Variants in MFHAS1 observed in about 807,000 individuals in gnomAD.
MFHAS1 encodes the protein malignant fibrous histiocytoma-amplified sequence 1.
A neutral mutation model predicts 70.4 loss-of-function variants in MFHAS1; 50 were observed. The ratio of observed to expected loss-of-function variants is 0.71; its 90% CI spans 0.57 to 0.90. MFHAS1 has a LOEUF of 0.90. Ranked by LOEUF, MFHAS1 falls within the 40% of genes least tolerant of loss-of-function variation. The pLI, the probability that MFHAS1 is intolerant of heterozygous loss-of-function variation, is 0.00. For missense variants in MFHAS1, 1,795 were observed against 1,347.6 expected, an observed-to-expected ratio of 1.33 and a Z score of -5.20; for synonymous variants, 952 against 620.0, an observed-to-expected ratio of 1.54 and a Z score of -7.96.
chr8:8,787,244 C>T (rs189705465), intron 2 of MFHAS1, among the ~76,000 whole-genome samples: 1 of 152,058 alleles, frequency 6.6e-6, no homozygotes, highest in East Asian at 1.9e-4. Context: ...CCACACGCGG[C>T]TAATTTTTTG....
intron 1 of MFHAS1, among the ~76,000 whole-genome samples, chr8:8,820,271 G>T (rs1053159745): frequency 1.1e-4 from 17 of 151,888 alleles, no homozygotes; most frequent in African/African-American, 3.9e-4. Flanking sequence ...CCAGGGTTGG[G>T]ACTGCTGTGC....
rs200720299 is a variant in MFHAS1 at position 8,892,915 on chromosome 8, G to T, written c.144C>A (p.Leu48=). The T allele has an allele frequency of 6.4e-7, 1 of 1,560,682 alleles. No individual in the cohort carries two copies. Among genetic ancestry groups the T allele is most frequent in the East Asian group, 2.4e-5 (1 of 41,878 alleles). ...GACPGAGADA[L]ESPASPQLVL... is the part of the protein sequence containing the mutation. ...CGAGCTGGGGGGAGGCGGGGGACTC[G>T]AGCGCGTCGGCCCCGGCCCCGGGGC... is the stretch of plus-strand genomic sequence containing the variant. Residue 48 remains leucine (L), a synonymous_variant, in exon 1 of 3, where the codon CTC becomes CTA. Transcript: ENST00000276282. The surrounding 1 kb of genome is among the most constrained non-coding windows in gnomAD (Gnocchi z 4.7).
At chr8:8,886,895 G>A (rs1049385547) in intron 1 of MFHAS1, among the ~76,000 whole-genome samples, 1 of 152,190 alleles carries the variant, frequency 6.6e-6, no homozygotes, top group Non-Finnish European at 1.5e-5. Flanking sequence ...CGAGACTGAG[G>A]TGGGTGGATC....
chr8:8,802,520 C>G (rs1322061334), intron 1 of MFHAS1, among the ~76,000 whole-genome samples: 2 of 152,186 alleles, frequency 1.3e-5, no homozygotes, highest in African/African-American at 4.8e-5. Context: ...AACCCCTCAC[C>G]AGATACCAAA....
intron 2 of MFHAS1, among the ~76,000 whole-genome samples, chr8:8,788,963 T>G (rs1341246131): frequency 6.6e-6 from 1 of 152,178 alleles, no homozygotes; most frequent in Non-Finnish European, 1.5e-5. Context: ...GAGTTTGAAC[T>G]TGAGCCTGTG....
intron 1 of MFHAS1, among the ~76,000 whole-genome samples, chr8:8,830,835 G>T (rs559132733): frequency 1.3e-5 from 2 of 152,272 alleles, no homozygotes; most frequent in South Asian, 4.1e-4. Context: ...GACCTCAGGT[G>T]ATCCGCCCAC....
At chr8:8,787,229 C>T (rs778497596) in intron 2 of MFHAS1, among the ~76,000 whole-genome samples, 67 of 152,130 alleles carry the variant, frequency 4.4e-4, no homozygotes, top group Non-Finnish European at 4.1e-4. Flanking sequence ...TACATGTGCC[C>T]GCCACCACAC....
intron 1 of MFHAS1, among the ~76,000 whole-genome samples, chr8:8,832,625 TTC>T (rs1391417232): frequency 3.1e-4 from 30 of 96,908 alleles, no homozygotes; most frequent in Non-Finnish European, 2.0e-4. Context: ...CAGAATTTTT[TTC>T]TTTTTTTTTT....
At chr8:8,874,123 T>C (rs1437215590) in intron 1 of MFHAS1, among the ~76,000 whole-genome samples, 3 of 152,148 alleles carry the variant, frequency 2.0e-5, no homozygotes, top group African/African-American at 4.8e-5. Context: ...CTTTTTCTAA[T>C]TGCATCTCAA....
intron 1 of MFHAS1, among the ~76,000 whole-genome samples, chr8:8,843,314 T>A (rs1347254135): frequency 1.3e-5 from 2 of 149,576 alleles, no homozygotes; most frequent in South Asian, 2.1e-4. Flanking sequence ...CCAGGTGCTG[T>A]GACTCACACC....
At chr8:8,888,257 G>T (rs1231477465) in intron 1 of MFHAS1, among the ~76,000 whole-genome samples, 1 of 152,126 alleles carries the variant, frequency 6.6e-6, no homozygotes, top group Non-Finnish European at 1.5e-5. Context: ...TAGATCCAGG[G>T]CAACGGAAAG....
In MFHAS1 at chr8:8,875,724, G is replaced by T. The variant is rs184918864; in HGVS notation, c.2998+14337C>A. Among the ~76,000 whole-genome samples, 692 of 152,202 alleles carry T rather than the reference G, an allele frequency of 4.5e-3. 5 individuals are homozygous for T. The highest frequency in any genetic ancestry group is 0.02 in the Middle Eastern group (6 of 294). On this transcript the variant is annotated intron_variant, in intron 1 of 2. Coordinates refer to ENST00000276282, the MANE Select transcript of MFHAS1 (RefSeq NM_004225.3). ...TCCTGCCTCAGCCTCCTGAGTAGCT[G>T]GGATTACAGGTGCGTGCCACCACGC...
chr8:8,865,056 A>T (rs1283404101), intron 1 of MFHAS1, among the ~76,000 whole-genome samples: 10 of 152,110 alleles, frequency 6.6e-5, no homozygotes, highest in Admixed American at 6.5e-4. Flanking sequence ...TGGGTGGATC[A>T]CTTGAGGTCA....
At chr8:8,879,154 G>C (rs1809409632) in intron 1 of MFHAS1, among the ~76,000 whole-genome samples, 1 of 152,116 alleles carries the variant, frequency 6.6e-6, no homozygotes, top group Non-Finnish European at 1.5e-5. Flanking sequence ...ATTGAGACCA[G>C]GCTGGCCAAC....
rs762280851 is a variant in MFHAS1 at position 8,890,883 on chromosome 8, C to T, written c.2176G>A (p.Val726Ile). The T allele has an allele frequency of 1.9e-6, 3 of 1,614,090 alleles. No homozygotes were observed. The highest frequency in any genetic ancestry group is 2.2e-5 in the South Asian group (2 of 91,074). ...FEDSPALKEH[V>I]FHNLTRLIDI... ...ATGAGGCGGGTGAGGTTGTGGAAGACGTGCTCCTTGAGAGCCGGACTGTCC... is the reference window on the plus strand; with the variant it reads ...ATGAGGCGGGTGAGGTTGTGGAAGATGTGCTCCTTGAGAGCCGGACTGTCC... Residue 726 changes from valine to isoleucine, a missense_variant, in exon 1 of 3, where the codon GTC (valine) becomes ATC (isoleucine). Transcript: ENST00000276282.
intron 1 of MFHAS1, among the ~76,000 whole-genome samples, chr8:8,824,768 T>C (rs1198984217): frequency 1.3e-5 from 2 of 152,230 alleles, no homozygotes; most frequent in African/African-American, 4.8e-5. Context: ...AGGGTATCCA[T>C]CAATTCTGAA....
At chr8:8,876,610 A>G (rs1357275120) in intron 1 of MFHAS1, among the ~76,000 whole-genome samples, 1 of 151,826 alleles carries the variant, frequency 6.6e-6, no homozygotes, top group Non-Finnish European at 1.5e-5. Context: ...TGGTGTATGC[A>G]TCGTGATCCT....
intron 1 of MFHAS1, among the ~76,000 whole-genome samples, chr8:8,862,388 G>GTTT (rs11446754): frequency 1.6e-4 from 24 of 147,048 alleles, no homozygotes; most frequent in African/African-American, 3.2e-4. Flanking sequence ...GCTATAAGAG[G>GTTT]TTTTTTTTTT....
At chr8:8,887,860 A>C (rs1411536184) in intron 1 of MFHAS1, among the ~76,000 whole-genome samples, 115 of 89,566 alleles carry the variant, frequency 1.3e-3, no homozygotes, top group Non-Finnish European at 2.1e-3. Context: ...CAAAAAAAAC[A>C]AAAAAAAAAA....
Sources: gnomAD v4.1 joint callset for allele counts (sites outside exome capture counted in the v4.1 genomes callset) on GRCh38, gnomAD v4.1.1 for gene constraint, Gnocchi (gnomAD v3.1) non-coding constraint, MANE v1.5 for transcripts, NCBI Gene and HGNC (gene_info 2026-07-23, HGNC 2026-07-21) for gene names.